PTGES2: variants seen among roughly 807,000 people sequenced by gnomAD.
PTGES2 encodes the protein GATE-binding factor 1.
A neutral mutation model predicts 44.5 loss-of-function variants in PTGES2; 35 were observed. The observed-to-expected ratio is 0.79, with a 90% confidence interval of 0.60 to 1.04. PTGES2 has a LOEUF of 1.04. Ranked by LOEUF, PTGES2 falls within the 50% of genes least tolerant of loss-of-function variation. The pLI is 0.00. For synonymous variants in PTGES2, 221 were observed against 227.5 expected (o/e 0.97, Z 0.26); for missense variants, 517 against 521.4 (o/e 0.99, Z 0.08).
chr9:128,124,422 A>C, intron 3 of PTGES2, 70 bp downstream of exon 3: 1 of 1,379,166 alleles, frequency 7.3e-7, no homozygotes, highest in Non-Finnish European at 1.0e-6. Flanking sequence ...CCAGGAGGGA[A>C]CTCAGGGGAG....
chr9:128,127,820 G>T, upstream of PTGES2: 1 of 1,118,780 alleles, frequency 8.9e-7, no homozygotes, highest in Non-Finnish European at 1.1e-6. Flanking sequence ...GTTGGCCGGG[G>T]TGAGGGCGAC....
chr9:128,123,066 C>A lies in PTGES2; in HGVS notation c.755G>T (p.Arg252Leu), dbSNP rs368666888. 6.2e-7 allele frequency: 1 copy of A among 1,612,824 alleles called. No homozygotes were observed. Among genetic ancestry groups the A allele is most frequent in the Non-Finnish European group, 8.5e-7 (1 of 1,180,008 alleles). Residue 252 changes from arginine to leucine, a missense_variant, in exon 5 of 7, where the codon CGC (arginine) becomes CTC (leucine). By Grantham distance (102) the Arg-to-Leu change is moderately radical. Coordinates refer to ENST00000338961, the MANE Select transcript of PTGES2 (RefSeq NM_025072.7). The surrounding 1 kb of genome is among the most constrained non-coding windows in gnomAD (Gnocchi z 4.4). ...GGACGCCAGAGCCTCGGTGGGCGTGCGGTACACATTGGGGGAGATCAGGTG... is the reference window on the plus strand; with the variant it reads ...GGACGCCAGAGCCTCGGTGGGCGTGAGGTACACATTGGGGGAGATCAGGTG... ...LVHLISPNVY[R>L]TPTEALASFD...
intron 2 of PTGES2, 159 bp from the exon 3 acceptor site, chr9:128,124,709 G>C (rs1834553715): frequency 7.6e-7 from 1 of 1,308,202 alleles, no homozygotes. Context: ...CCTAAGTAGG[G>C]AGACGTGGTT....
At position 128,123,902 on chromosome 9, in the gene PTGES2, G is replaced by A. The variant is rs1834520494; in HGVS notation, c.537-51C>T. ...CCAACTCCTTCCCCCTCCGTCCCCTGTGGCCGACCAACCCCGCTGCCCCAG... is the reference window on the plus strand; with the variant it reads ...CCAACTCCTTCCCCCTCCGTCCCCTATGGCCGACCAACCCCGCTGCCCCAG... On this transcript the variant is annotated intron_variant, in intron 3 of 6. Coordinates refer to ENST00000338961, the MANE Select transcript of PTGES2 (RefSeq NM_025072.7). The surrounding 1 kb of genome is among the most constrained non-coding windows in gnomAD (Gnocchi z 4.4). 6.3e-7 allele frequency: 1 copy of A among 1,588,236 alleles called. No homozygotes were observed. Among genetic ancestry groups the A allele is most frequent in the Non-Finnish European group, 8.6e-7 (1 of 1,161,102 alleles).
rs547161021 is a variant in PTGES2, at chr9:128,123,280, T to C, written c.687-146A>G. On this transcript the variant is annotated intron_variant, in intron 4 of 6. Coordinates refer to ENST00000338961, the MANE Select transcript of PTGES2 (RefSeq NM_025072.7). This position sits in a 1 kb window ranked among gnomAD's most constrained non-coding sequence, Gnocchi z 4.4. ...TTTTTTTTTTGAGACAAAGTCTCGC[T>C]CTGTCACCCAGGCTGGAGTGCAATG... 1.4e-4 allele frequency: 100 copies of C among 735,546 alleles called. 1 individual carries two copies. In the South Asian group the frequency reaches 1.8e-3, roughly 13 times the overall value. 45.6% of individuals were successfully genotyped at this position (735,546 alleles called of 1,614,324 possible). A position where few individuals can be genotyped will look rare whatever the true frequency, so the allele number is the denominator to read the frequency against.
At position 128,120,954 on chromosome 9, in the gene PTGES2, G is replaced by T. The variant is rs866988519; in HGVS notation, c.*191C>A. ...GTCGCCCCAGGGCAGTGGCAGGGCT[G>T]GAACTCGTCCCTAACATCCCTGAGC... On this transcript the variant is annotated 3_prime_UTR_variant, in exon 7 of 7. Coordinates refer to ENST00000338961, the MANE Select transcript of PTGES2 (RefSeq NM_025072.7). 5.6e-6 allele frequency: 4 copies of T among 709,304 alleles called. No homozygotes were observed. The highest frequency in any genetic ancestry group is 3.9e-4 in the Middle Eastern group (1 of 2,590). The allele number at this position is 709,304 out of a possible 1,614,324, so 43.9% of individuals were successfully genotyped here. A position where few individuals can be genotyped will look rare whatever the true frequency, so the allele number is the denominator to read the frequency against.
Position 128,122,346 on chromosome 9 carries a change from C to CCA in PTGES2, c.1005+14_1005+15dup. The CCA allele has an allele frequency of 6.2e-7, 1 of 1,601,464 alleles. No homozygotes were observed. The highest frequency in any genetic ancestry group is 8.6e-7 in the Non-Finnish European group (1 of 1,168,484). ...GAACCCTCGGTCCAGGCACCACCTG[C>CCA]CACCACCACACTCACCAAATCAGCG... On this transcript the variant is annotated intron_variant, in intron 6 of 6. Coordinates refer to ENST00000338961, the MANE Select transcript of PTGES2 (RefSeq NM_025072.7).
rs1834570288 is a variant in PTGES2 at position 128,125,184 on chromosome 9, G to A, written c.477+60C>T. ...AGGCTGCAGAGCCAGGCCAGGCTAGGGGGCGCTCCAGGACAACCCAGGAAA... is the reference window on the plus strand; with the variant it reads ...AGGCTGCAGAGCCAGGCCAGGCTAGAGGGCGCTCCAGGACAACCCAGGAAA... On this transcript the variant is annotated intron_variant, in intron 2 of 6. Transcript: ENST00000338961. The A allele has an allele frequency of 2.0e-6, 3 of 1,481,308 alleles. No individual in the cohort carries two copies. In the South Asian group the frequency reaches 3.8e-5, roughly 19 times the overall value. The allele number at this position is 1,481,308 out of a possible 1,614,324, so 91.8% of individuals were successfully genotyped here.
At chr9:128,125,615 T>A (rs986405191) in intron 1 of PTGES2, among the ~76,000 whole-genome samples, 174 bp from the exon 2 acceptor site, 2 of 152,048 alleles carry the variant, frequency 1.3e-5, no homozygotes, top group African/African-American at 4.8e-5. Flanking sequence ...CAGCCCAGGT[T>A]TAAGCCCCTG....
intron 2 of PTGES2, 85 bp downstream of exon 2, chr9:128,125,159 A>C: frequency 7.9e-7 from 1 of 1,264,016 alleles, no homozygotes; most frequent in Non-Finnish European, 1.1e-6. Context: ...GTTCCTTCCC[A>C]GGCTGCAGAG....
At chr9:128,127,191 C>CAAAAAAAAAAAAAAAAAAAACAAAAA (rs1834653846) in intron 1 of PTGES2, among the ~76,000 whole-genome samples, 1 of 24,484 alleles carries the variant, frequency 4.1e-5, no homozygotes, top group African/African-American at 1.2e-4. Flanking sequence ...ATAAACAAAC[C>CAAAAAAAAAAAAAAAAAAAACAAAAA]AAAAAAAAAA....
At chr9:128,121,468 T>C (rs1834408593) in intron 6 of PTGES2, among the ~76,000 whole-genome samples, 195 bp from the exon 7 acceptor site, 2 of 152,104 alleles carry the variant, frequency 1.3e-5, no homozygotes, top group Admixed American at 6.5e-5. Flanking sequence ...GCTTCACATC[T>C]GTACCCCCTT....
At position 128,125,369 on chromosome 9, in the gene PTGES2, C is replaced by T. The variant is rs1396676562; in HGVS notation, c.352G>A (p.Ala118Thr). 3.7e-6 allele frequency: 6 copies of T among 1,614,178 alleles called. No individual in the cohort carries two copies. The highest frequency in any genetic ancestry group is 5.1e-6 in the Non-Finnish European group (6 of 1,180,020). Residue 118 changes from alanine to threonine, a missense_variant, in exon 2 of 7, where the codon GCC (alanine) becomes ACC (threonine). By Grantham distance (58) the Ala-to-Thr change is moderately conservative. Transcript: ENST00000338961. ...GGCAGGGCATGGAAGTCGAGGAAGG[C>T]TCGGACCTTGCTGCAGAAGGGACAC... ...KTCPFCSKVR[A>T]FLDFHALPYQ...
chr9:128,124,826 A>C (rs1051944715), intron 2 of PTGES2: 1 of 1,280,204 alleles, frequency 7.8e-7, no homozygotes, highest in Non-Finnish European at 1.0e-6. Flanking sequence ...TGGAAGCTAC[A>C]TACTAGACCC....
At position 128,127,694 on chromosome 9, in the gene PTGES2, C is replaced by T; in HGVS notation, c.24G>A (p.Val8=). The T allele has an allele frequency of 7.8e-7, 1 of 1,287,964 alleles. No individual in the cohort carries two copies. Among genetic ancestry groups the T allele is most frequent in the Admixed American group, 3.9e-5 (1 of 25,878 alleles). The allele number at this position is 1,287,964 out of a possible 1,614,324, so 79.8% of individuals were successfully genotyped here. The change falls in exon 1 of 7, where the codon GTG becomes GTA. Residue 8 remains valine (V), a synonymous_variant. Transcript: ENST00000338961. MDPAARV[V]RALWPGGCAL... is the part of the protein sequence containing the mutation. ...CGCACCCACCAGGCCACAGCGCCCGCACCACCCGCGCAGCCGGGTCCATGT... is the reference window on the plus strand; with the variant it reads ...CGCACCCACCAGGCCACAGCGCCCGTACCACCCGCGCAGCCGGGTCCATGT...
chr9:128,120,938 G>GGGCAGT lies in PTGES2; in HGVS notation c.*201_*206dup, dbSNP rs1324878639. 1 of 637,518 alleles carries GGGCAGT rather than the reference G, an allele frequency of 1.6e-6. No homozygotes were observed. The highest frequency in any genetic ancestry group is 2.6e-6 in the Non-Finnish European group (1 of 378,626). 39.5% of individuals were successfully genotyped at this position (637,518 alleles called of 1,614,324 possible). On this transcript the variant is annotated 3_prime_UTR_variant, in exon 7 of 7. Transcript: ENST00000338961. ...GCAGGGACAGGGAGGGGTCGCCCCA[G>GGGCAGT]GGCAGTGGCAGGGCTGGAACTCGTC... is the stretch of plus-strand genomic sequence containing the variant.
Position 128,123,886 on chromosome 9 carries a change from T to C in PTGES2, c.537-35A>G. ...GAGCCACAATATCACCCCAACTCCT[T>C]CCCCCTCCGTCCCCTGTGGCCGACC... On this transcript the variant is annotated intron_variant, in intron 3 of 6. Coordinates refer to ENST00000338961, the MANE Select transcript of PTGES2 (RefSeq NM_025072.7). This position sits in a 1 kb window ranked among gnomAD's most constrained non-coding sequence, Gnocchi z 4.4. The C allele has an allele frequency of 6.3e-7, 1 of 1,592,086 alleles. No homozygotes were observed. The highest frequency in any genetic ancestry group is 8.6e-7 in the Non-Finnish European group (1 of 1,163,906).
rs1382346225 is a variant in PTGES2 at position 128,127,634 on chromosome 9, C to T, written c.84G>A (p.Pro28=). 6 of 1,267,896 alleles carry T rather than the reference C, an allele frequency of 4.7e-6. No homozygotes were observed. The highest frequency in any genetic ancestry group is 6.3e-5 in the East Asian group (2 of 31,666). The allele number at this position is 1,267,896 out of a possible 1,614,324, so 78.5% of individuals were successfully genotyped here. A position where few individuals can be genotyped will look rare whatever the true frequency, so the allele number is the denominator to read the frequency against. ...LAWRLGGRPQ[P]LLPTQSRAGF... ...CAGCCCGGCTCTGCGTGGGTAGCAG[C>T]GGCTGGGGGCGGCCTCCCAGCCTCC... The change falls in exon 1 of 7, where the codon CCG becomes CCA. Residue 28 remains proline (P), a synonymous_variant. Transcript: ENST00000338961.
upstream of PTGES2, chr9:128,128,366 T>C (rs757750923): frequency 8.8e-6 from 4 of 455,578 alleles, no homozygotes; most frequent in South Asian, 6.2e-5. Flanking sequence ...GCTCGGTCCT[T>C]CTGCTGGGCT....
Sources: allele counts gnomAD v4.1 joint callset (sites outside exome capture counted in the v4.1 genomes callset), GRCh38; gene constraint gnomAD v4.1.1; non-coding constraint Gnocchi (gnomAD v3.1); transcripts MANE v1.5; gene names NCBI Gene and HGNC (gene_info 2026-07-23, HGNC 2026-07-21).